The following CTNNA3 variants were observed in gnomAD, a reference collection of about 807,000 sequenced individuals.
The protein encoded by CTNNA3 is catenin alpha-3.
A neutral mutation model predicts 95.7 loss-of-function variants in CTNNA3; 76 were observed. The ratio of observed to expected loss-of-function variants is 0.79; its 90% confidence interval spans 0.66 to 0.96. CTNNA3 has a LOEUF of 0.96. CTNNA3 is among the 40% of genes least tolerant of loss of function. The pLI is 0.00. For missense variants in CTNNA3, 1,191 were observed against 1,089.8 expected (o/e 1.09, Z -1.31); for synonymous variants, 431 against 374.4 (o/e 1.15, Z -1.74).
chr10:66,623,015 G>T (rs755217220), intron 9 of CTNNA3, among the ~76,000 whole-genome samples: 12 of 152,030 alleles, frequency 7.9e-5, no homozygotes, highest in African/African-American at 9.7e-5. Context: ...TGGCTTACTT[G>T]AAAAGGTCTT....
chr10:66,584,939 T>A (rs1457178377), intron 10 of CTNNA3, among the ~76,000 whole-genome samples: 3 of 152,042 alleles, frequency 2.0e-5, no homozygotes, highest in African/African-American at 4.8e-5. Flanking sequence ...CCTTTATCTA[T>A]GAAAGAGTTT....
chr10:67,118,127 C>T (rs1435317353), intron 7 of CTNNA3, among the ~76,000 whole-genome samples: 1 of 151,832 alleles, frequency 6.6e-6, no homozygotes, highest in African/African-American at 2.4e-5. Flanking sequence ...GTAAACAGCA[C>T]TTTAGGAAAA....
intron 1 of CTNNA3, among the ~76,000 whole-genome samples, chr10:67,651,507 G>A (rs1839877508): frequency 6.6e-6 from 1 of 152,086 alleles, no homozygotes; most frequent in Non-Finnish European, 1.5e-5. Flanking sequence ...ATGAATTCTA[G>A]AATTCCCTAT....
intron 3 of CTNNA3, among the ~76,000 whole-genome samples, chr10:67,569,644 T>A (rs1564748263): frequency 6.6e-6 from 1 of 152,214 alleles, no homozygotes; most frequent in East Asian, 1.9e-4. Context: ...GGTAACAGAG[T>A]GACCTAAAGT....
At chr10:67,692,040 G>A (rs1423212207) in intron 1 of CTNNA3, among the ~76,000 whole-genome samples, 10 of 145,482 alleles carry the variant, frequency 6.9e-5, no homozygotes, top group South Asian at 4.4e-4. Flanking sequence ...CCCTCTGCCC[G>A]GCCAGCCGCC....
intron 9 of CTNNA3, among the ~76,000 whole-genome samples, chr10:66,652,097 TAAAAAAAAAAAAAAA>T (rs59359956): frequency 1.6e-5 from 2 of 122,390 alleles, no homozygotes; most frequent in Non-Finnish European, 3.6e-5. Context: ...CTCAAGGAAC[TAAAAAAAAAAAAAAA>T]AAAAAAACTA....
chr10:66,093,930 G>A (rs754342407), intron 14 of CTNNA3, among the ~76,000 whole-genome samples: 15 of 152,136 alleles, frequency 9.9e-5, no homozygotes, highest in East Asian at 1.9e-4. Context: ...AGTGTCCTAC[G>A]TTCTGCAAAT....
intron 11 of CTNNA3, among the ~76,000 whole-genome samples, chr10:66,394,113 T>C (rs2456733): frequency 0.12 from 18,593 of 152,028 alleles, 1,854 homozygotes; most frequent in African/African-American, 0.28. Context: ...TTAATTTTCA[T>C]TGAGCATAAG....
chr10:66,787,380 C>G (rs370500770), intron 7 of CTNNA3, among the ~76,000 whole-genome samples: 2 of 151,910 alleles, frequency 1.3e-5, no homozygotes, highest in Admixed American at 6.6e-5. Context: ...AGTAATACCC[C>G]CTGGTTCGCT....
intron 9 of CTNNA3, among the ~76,000 whole-genome samples, chr10:66,735,739 G>GGATA (rs1366836599): frequency 6.6e-6 from 1 of 151,948 alleles, no homozygotes; most frequent in African/African-American, 2.4e-5. Flanking sequence ...TAATTGAAGA[G>GGATA]GATATTATAG....
chr10:66,951,177 G>A lies in CTNNA3; in HGVS notation c.1048-175653C>T, dbSNP rs574859864. ...CTGTCACCTGGAGTGCTGGAGTGGC[G>A]TGATCTTGGTTCACTGCAACCTCTG... On this transcript the variant is annotated intron_variant, in intron 7 of 17. Transcript: ENST00000433211. Among the ~76,000 whole-genome samples, 146 of 151,106 alleles carry A rather than the reference G, an allele frequency of 9.7e-4. 2 individuals carry two copies. The Middle Eastern group carries it at 0.02, about 21-fold the overall frequency.
At chr10:67,577,199 A>C (rs1006099943) in intron 3 of CTNNA3, among the ~76,000 whole-genome samples, 1 of 151,694 alleles carries the variant, frequency 6.6e-6, no homozygotes, top group African/African-American at 2.4e-5. Context: ...ATTTCTCCAC[A>C]TCCTCTCCAG....
rs10997545 is a variant in CTNNA3, at chr10:67,170,871, C to G, written c.1047+9446G>C. Among the ~76,000 whole-genome samples the G allele has an allele frequency of 3.3e-5, 5 of 152,218 alleles. No individual in the cohort carries two copies. The South Asian group carries it at 6.2e-4, about 19-fold the overall frequency. ...ACTGGCCACATGTCGCTATTGAACA[C>G]GAAATATGGTTAGTCCAGCTACACT... is the stretch of plus-strand genomic sequence containing the variant. On this transcript the variant is annotated intron_variant, in intron 7 of 17. Transcript: ENST00000433211.
At chr10:66,385,031 A>G (rs2092877635) in intron 11 of CTNNA3, among the ~76,000 whole-genome samples, 1 of 152,202 alleles carries the variant, frequency 6.6e-6, no homozygotes, top group Non-Finnish European at 1.5e-5. Context: ...AATTAAAAGA[A>G]CTAGAGAAGC....
chr10:66,933,758 G>C (rs1485299408), intron 7 of CTNNA3, among the ~76,000 whole-genome samples: 2 of 152,114 alleles, frequency 1.3e-5, no homozygotes, highest in African/African-American at 4.8e-5. Context: ...CCTTTTATAT[G>C]TCATTGCTTA....
chr10:66,783,219 G>C (rs1039913547), intron 7 of CTNNA3, among the ~76,000 whole-genome samples: 2 of 152,066 alleles, frequency 1.3e-5, no homozygotes, highest in Non-Finnish European at 1.5e-5. Context: ...TCATGGGTTT[G>C]CACTACAAAA....
At chr10:66,535,044 T>A (rs1841603769) in intron 10 of CTNNA3, among the ~76,000 whole-genome samples, 1 of 152,148 alleles carries the variant, frequency 6.6e-6, no homozygotes, top group Non-Finnish European at 1.5e-5. Flanking sequence ...TGATGCATAT[T>A]CACTGGCGCA....
intron 9 of CTNNA3, among the ~76,000 whole-genome samples, chr10:66,652,506 C>G (rs190164776): frequency 6.6e-6 from 1 of 151,974 alleles, no homozygotes; most frequent in Non-Finnish European, 1.5e-5. Context: ...TAAAAAGTCT[C>G]CAATCAAAGA....
chr10:66,102,407 C>T (rs1317629755), intron 14 of CTNNA3, among the ~76,000 whole-genome samples: 2 of 152,124 alleles, frequency 1.3e-5, no homozygotes, highest in Admixed American at 1.3e-4. Flanking sequence ...AGTATCTCTG[C>T]TTTACAAATG....
Sources: allele counts gnomAD v4.1 joint callset (sites outside exome capture counted in the v4.1 genomes callset), GRCh38; gene constraint gnomAD v4.1.1; transcripts MANE v1.5; gene names NCBI Gene and HGNC (gene_info 2026-07-23, HGNC 2026-07-21).